CCDC7: variants seen among roughly 807,000 people sequenced by gnomAD.
The protein encoded by CCDC7 is coiled-coil domain containing 7.
In CCDC7, 183 loss-of-function variants were observed where a neutral mutation model predicts 196.9. That is an observed-to-expected ratio of 0.93 (90% CI 0.82 to 1.05). CCDC7 has a LOEUF of 1.05. CCDC7 is among the 50% of genes least tolerant of loss of function. The pLI is 0.00. For missense variants in CCDC7, 1,540 were observed against 1,482.2 expected (o/e 1.04, Z -0.64); for synonymous variants, 525 against 484.6 (o/e 1.08, Z -1.10).
intron 24 of CCDC7, among the ~76,000 whole-genome samples, chr10:32,709,392 C>T (rs1445991860): frequency 2.0e-5 from 3 of 151,782 alleles, no homozygotes; most frequent in Non-Finnish European, 4.4e-5. Context: ...ATTGGTGCAG[C>T]ACATCAACAT....
chr10:32,539,018 T>TC (rs1382482029), intron 11 of CCDC7, among the ~76,000 whole-genome samples: 1 of 151,914 alleles, frequency 6.6e-6, no homozygotes. Flanking sequence ...TAGGGAGGAG[T>TC]CCCTCCTCCT....
chr10:32,466,410 C>T (rs898463858), intron 5 of CCDC7, among the ~76,000 whole-genome samples: 2 of 152,112 alleles, frequency 1.3e-5, no homozygotes, highest in African/African-American at 2.4e-5. Flanking sequence ...TTTTCTGCTC[C>T]TCTCCTTCCT....
chr10:32,609,143 C>T (rs1325124163), intron 18 of CCDC7, among the ~76,000 whole-genome samples: 1 of 152,094 alleles, frequency 6.6e-6, no homozygotes, highest in Non-Finnish European at 1.5e-5. Flanking sequence ...GTCTACATTA[C>T]AATTTAAGTC....
intron 33 of CCDC7, among the ~76,000 whole-genome samples, chr10:32,836,374 T>G (rs1325055710): frequency 6.6e-6 from 1 of 152,110 alleles, no homozygotes; most frequent in Non-Finnish European, 1.5e-5. Context: ...AATATCTAGA[T>G]TTTTCTACAA....
intron 28 of CCDC7, among the ~76,000 whole-genome samples, chr10:32,748,222 A>G (rs1026046139): frequency 1.2e-4 from 18 of 152,122 alleles, no homozygotes; most frequent in Admixed American, 1.1e-3. Context: ...AGGGTGGAGA[A>G]TGGGTGGAGG....
chr10:32,600,638 C>T (rs989716839), intron 18 of CCDC7, among the ~76,000 whole-genome samples: 10 of 152,144 alleles, frequency 6.6e-5, no homozygotes, highest in African/African-American at 1.9e-4. Context: ...CTGCTCAATT[C>T]CCTGCACCCT....
chr10:32,559,489 G>C (rs563212968), intron 13 of CCDC7, among the ~76,000 whole-genome samples: 12 of 152,226 alleles, frequency 7.9e-5, no homozygotes, highest in Non-Finnish European at 1.8e-4. Flanking sequence ...GCAGAGGAAC[G>C]ATCAGACAGC....
intron 18 of CCDC7, among the ~76,000 whole-genome samples, chr10:32,614,754 C>G (rs1005577670): frequency 1.3e-5 from 2 of 152,172 alleles, no homozygotes; most frequent in African/African-American, 4.8e-5. Context: ...AACCACCCAC[C>G]TTCTGCCATT....
At chr10:32,584,180 A>C in intron 17 of CCDC7, 52 bp from the exon 19 acceptor site, 1 of 936,880 alleles carries the variant, frequency 1.1e-6, no homozygotes, top group Non-Finnish European at 1.5e-6. Flanking sequence ...GTCTTGATAT[A>C]TATATATATG....
chr10:32,870,954 C>A (rs1271327252), intron 41 of CCDC7, among the ~76,000 whole-genome samples: 1 of 152,168 alleles, frequency 6.6e-6, no homozygotes, highest in Admixed American at 6.5e-5. Context: ...CCCACTTGAT[C>A]ATGGTGGATA....
chr10:32,817,371 C>T (rs922552438), intron 31 of CCDC7, among the ~76,000 whole-genome samples: 5 of 152,040 alleles, frequency 3.3e-5, no homozygotes, highest in Admixed American at 1.3e-4. Context: ...TTGGTGTACC[C>T]GAAAGTGACA....
chr10:32,699,214 CCCACAACAGG>C (rs1016194525), intron 24 of CCDC7, among the ~76,000 whole-genome samples: 3 of 108,092 alleles, frequency 2.8e-5, no homozygotes, highest in Admixed American at 1.2e-4. Flanking sequence ...CTCCCCCCAC[CCCACAACAGG>C]CCTTGTGTGT....
At chr10:32,587,918 G>T (rs1013776165) in intron 18 of CCDC7, among the ~76,000 whole-genome samples, 2 of 152,270 alleles carry the variant, frequency 1.3e-5, no homozygotes, top group African/African-American at 4.8e-5. Flanking sequence ...CTGGAAACTT[G>T]GTCCCCATTG....
In CCDC7 at chr10:32,663,953, A is replaced by T. The variant is rs993281251; in HGVS notation, c.2015-101A>T. 4.9e-5 allele frequency: 18 copies of T among 365,238 alleles called. No homozygotes were observed. The Middle Eastern group carries it at 2.2e-3, about 44-fold the overall frequency. 22.6% of individuals were successfully genotyped at this position (365,238 alleles called of 1,614,324 possible). On this transcript the variant is annotated intron_variant, in intron 20 of 41. Coordinates refer to ENST00000639629, the Ensembl canonical transcript of CCDC7. ...TAATTTACTTATATTTTACATGTAT[A>T]AAAATGAGACAGAATATGGCTGTAT...
chr10:32,875,634 G>A (rs1390852246), intron 41 of CCDC7, among the ~76,000 whole-genome samples: 1 of 151,912 alleles, frequency 6.6e-6, no homozygotes, highest in South Asian at 2.1e-4. Context: ...TAGCTTATGA[G>A]CCTCTGTTAA....
At chr10:32,828,485 G>GGAAGAGGAAGAAGAAGAAGAAGAAGAAA (rs2091618916) in intron 32 of CCDC7, among the ~76,000 whole-genome samples, 2 of 49,676 alleles carry the variant, frequency 4.0e-5, no homozygotes, top group African/African-American at 1.3e-4. Flanking sequence ...AAGAGGAAGA[G>GGAAGAGGAAGAAGAAGAAGAAGAAGAAA]GAAGAAGAAG....
intron 16 of CCDC7, among the ~76,000 whole-genome samples, chr10:32,576,571 G>C (rs1469422312): frequency 2.9e-5 from 4 of 135,830 alleles, no homozygotes; most frequent in African/African-American, 1.1e-4. Context: ...TTTTTTTTGA[G>C]ATAGGGTATC....
At chr10:32,444,539 TA>T (rs1349240343), upstream of CCDC7, among the ~76,000 whole-genome samples, 1 of 152,228 alleles carries the variant, frequency 6.6e-6, no homozygotes, top group Non-Finnish European at 1.5e-5. Context: ...TAGAAATGAC[TA>T]GATGTAATCT....
rs68150303 is a variant in CCDC7, at chr10:32,828,485, G to GGAAGAAGAAGAAGAA, written c.3268+3942_3268+3956dup. On this transcript the variant is annotated intron_variant, in intron 32 of 41. Transcript: ENST00000639629. ...AAGAAGAGGAAGAGGAAGAGGAAGA[G>GGAAGAAGAAGAAGAA]GAAGAAGAAGAAGAAGAAGAAGAAG... is the stretch of plus-strand genomic sequence containing the variant. 2.9e-3 allele frequency among the ~76,000 whole-genome samples: 143 copies of GGAAGAAGAAGAAGAA among 49,734 alleles called. 8 individuals carry two copies. The highest frequency in any genetic ancestry group is 8.1e-3 in the East Asian group (11 of 1,364). 32.6% of individuals were successfully genotyped at this position (49,734 alleles called of 152,430 possible). A position where few individuals can be genotyped will look rare whatever the true frequency, so the allele number is the denominator to read the frequency against.
Sources: gnomAD v4.1 joint callset for allele counts (sites outside exome capture counted in the v4.1 genomes callset) on GRCh38, gnomAD v4.1.1 for gene constraint, MANE v1.5 for transcripts, NCBI Gene and HGNC (gene_info 2026-07-23, HGNC 2026-07-21) for gene names.